B3GALT1: variants seen among roughly 807,000 people sequenced by gnomAD.
B3GALT1 encodes beta-1,3-galactosyltransferase 1, also known as UDP-Gal:betaGlcNAc beta 1,3-galactosyltransferase, polypeptide 1.
B3GALT1 carries 10 observed loss-of-function variants against 23.2 expected under a neutral mutation model. That is an observed-to-expected ratio of 0.43 (90% CI 0.27 to 0.73). The LOEUF is 0.73. Ranked by LOEUF, B3GALT1 falls within the 30% of genes least tolerant of loss-of-function variation. The pLI is 0.21. For missense variants in B3GALT1, 299 were observed against 405.4 expected (o/e 0.74, Z 2.25); for synonymous variants, 156 against 141.5 (o/e 1.10, Z -0.73).
chr2:167,293,939 TG>T (rs1696301421), intron 1 of B3GALT1, among the ~76,000 whole-genome samples: 1 of 3,370 alleles, frequency 3.0e-4, no homozygotes, highest in African/African-American at 1.3e-3. Context: ...AAGTTGGGGG[TG>T]GGGGTGGGGG....
chr2:167,566,998 G>T (rs1254576755), intron 2 of B3GALT1, among the ~76,000 whole-genome samples: 1 of 152,134 alleles, frequency 6.6e-6, no homozygotes, highest in Admixed American at 6.5e-5. Flanking sequence ...CAGAATCTCT[G>T]GAAAATAGCA....
At chr2:167,842,866 CAATAAT>C (rs550239622) in intron 4 of B3GALT1, among the ~76,000 whole-genome samples, 1 of 151,640 alleles carries the variant, frequency 6.6e-6, no homozygotes, top group Non-Finnish European at 1.5e-5. Flanking sequence ...GACCCTGAAT[CAATAAT>C]AATAATAATA....
intron 2 of B3GALT1, among the ~76,000 whole-genome samples, chr2:167,586,436 A>T (rs1684586663): frequency 6.6e-6 from 1 of 152,086 alleles, no homozygotes; most frequent in Non-Finnish European, 1.5e-5. Context: ...AGTAGCCGGG[A>T]CTACAGGTGC....
At chr2:167,364,163 CAAAAAAAAA>C (rs34314925) in intron 1 of B3GALT1, among the ~76,000 whole-genome samples, 3 of 63,152 alleles carry the variant, frequency 4.8e-5, no homozygotes, top group African/African-American at 1.1e-4. Flanking sequence ...GACTCCATCT[CAAAAAAAAA>C]AAAAAAAAAA....
At position 167,785,596 on chromosome 2, in the gene B3GALT1, A is replaced by G. The variant is rs141167656; in HGVS notation, c.-351-33076A>G. 2.0e-3 allele frequency among the ~76,000 whole-genome samples: 298 copies of G among 152,340 alleles called. 1 individual carries two copies. Among genetic ancestry groups the G allele is most frequent in the African/African-American group, 6.9e-3 (285 of 41,580 alleles). On this transcript the variant is annotated intron_variant, in intron 3 of 4. Transcript: ENST00000392690. ...TGATGGACACCGTGGTGTATGGTCT[A>G]TGTCATGTTATTAGCAATATTTTAT... is the stretch of plus-strand genomic sequence containing the variant.
intron 4 of B3GALT1, among the ~76,000 whole-genome samples, chr2:167,833,267 C>T (rs1440917459): frequency 1.3e-5 from 2 of 152,184 alleles, no homozygotes; most frequent in Non-Finnish European, 2.9e-5. Flanking sequence ...TCCTTGGCTT[C>T]TTTGTCCTTG....
intron 4 of B3GALT1, among the ~76,000 whole-genome samples, chr2:167,831,277 C>A (rs973099364): frequency 2.0e-5 from 3 of 152,156 alleles, no homozygotes; most frequent in Non-Finnish European, 4.4e-5. Flanking sequence ...ACTACAACTG[C>A]AGTTAATGGA....
intron 2 of B3GALT1, among the ~76,000 whole-genome samples, chr2:167,604,622 G>A (rs1369776200): frequency 6.6e-6 from 1 of 152,144 alleles, no homozygotes; most frequent in Non-Finnish European, 1.5e-5. Flanking sequence ...TAAAAGGAGT[G>A]TCCCTTAGAT....
chr2:167,431,679 C>A (rs1352311927), intron 1 of B3GALT1, among the ~76,000 whole-genome samples: 1 of 152,128 alleles, frequency 6.6e-6, no homozygotes. Context: ...TGCATGCATG[C>A]AAATCAGCCC....
intron 2 of B3GALT1, among the ~76,000 whole-genome samples, chr2:167,578,044 A>T (rs1684414956): frequency 6.6e-6 from 1 of 151,926 alleles, no homozygotes; most frequent in African/African-American, 2.4e-5. Flanking sequence ...CTATTCAGAG[A>T]TTTATTATAA....
chr2:167,326,348 A>G (rs1220355024), intron 1 of B3GALT1, among the ~76,000 whole-genome samples: 1 of 151,810 alleles, frequency 6.6e-6, no homozygotes, highest in East Asian at 1.9e-4. Flanking sequence ...CCCCTGTTAG[A>G]TGAGTGGTTT....
At chr2:167,334,071 C>T (rs183518200) in intron 1 of B3GALT1, among the ~76,000 whole-genome samples, 200 of 152,126 alleles carry the variant, frequency 1.3e-3, no homozygotes, top group African/African-American at 4.5e-3. Flanking sequence ...ATGTCAGTTA[C>T]TATAATTGAA....
chr2:167,655,603 G>A (rs922691632), intron 3 of B3GALT1, among the ~76,000 whole-genome samples: 5 of 152,168 alleles, frequency 3.3e-5, no homozygotes, highest in Admixed American at 2.6e-4. Flanking sequence ...TGGAACGTGA[G>A]AATTCATTTA....
At chr2:167,399,001 G>A (rs1280695048) in intron 1 of B3GALT1, among the ~76,000 whole-genome samples, 1 of 152,136 alleles carries the variant, frequency 6.6e-6, no homozygotes, top group Non-Finnish European at 1.5e-5. Context: ...AATCCACAGG[G>A]TTCACAGCAG....
intron 1 of B3GALT1, among the ~76,000 whole-genome samples, chr2:167,469,175 G>C (rs1699389163): frequency 6.6e-6 from 1 of 152,160 alleles, no homozygotes; most frequent in South Asian, 2.1e-4. Context: ...GCATGGTGTG[G>C]TGGTTAAAAT....
intron 1 of B3GALT1, among the ~76,000 whole-genome samples, chr2:167,446,336 T>C (rs891548408): frequency 6.6e-6 from 1 of 152,196 alleles, no homozygotes. Flanking sequence ...CTGACAATTA[T>C]GTGTCTTGGA....
chr2:167,345,553 C>T (rs1342973015), intron 1 of B3GALT1, among the ~76,000 whole-genome samples: 1 of 152,106 alleles, frequency 6.6e-6, no homozygotes, highest in Non-Finnish European at 1.5e-5. Context: ...TGTTATCAGA[C>T]CAGCTTAGAA....
chr2:167,299,982 A>G (rs1291260996), intron 1 of B3GALT1, among the ~76,000 whole-genome samples: 1 of 152,020 alleles, frequency 6.6e-6, no homozygotes, highest in African/African-American at 2.4e-5. Flanking sequence ...GGCTCACTGC[A>G]ACCTCTTCCT....
intron 4 of B3GALT1, among the ~76,000 whole-genome samples, chr2:167,866,920 C>T (rs2105440384): frequency 6.6e-6 from 1 of 152,120 alleles, no homozygotes; most frequent in African/African-American, 2.4e-5. Flanking sequence ...TCTGTATATC[C>T]CAAGTTGAGA....
Sources: gnomAD v4.1 joint callset for allele counts (sites outside exome capture counted in the v4.1 genomes callset) on GRCh38, gnomAD v4.1.1 for gene constraint, MANE v1.5 for transcripts, NCBI Gene and HGNC (gene_info 2026-07-23, HGNC 2026-07-21) for gene names.